The following ZC3HC1 variants were observed in gnomAD, a reference collection of about 807,000 sequenced individuals.
ZC3HC1 encodes the protein zinc finger C3HC-type protein 1.
A neutral mutation model predicts 61.9 loss-of-function variants in ZC3HC1; 38 were observed. The ratio of observed to expected loss-of-function variants is 0.61; its 90% CI spans 0.47 to 0.81. The LOEUF is 0.81. Among genes scored for constraint, ZC3HC1 ranks in the 30% least tolerant of loss-of-function variants. The probability of loss-of-function intolerance (pLI) is 0.00; values close to 1 mark genes in which losing one functional copy is unlikely to be tolerated. For synonymous variants in ZC3HC1, 213 were observed against 229.9 expected (o/e 0.93, Z 0.67); for missense variants, 554 against 622.7 (o/e 0.89, Z 1.17).
At chr7:130,034,267 C>T (rs1309584007) in intron 4 of ZC3HC1, among the ~76,000 whole-genome samples, 11 of 149,958 alleles carry the variant, frequency 7.3e-5, no homozygotes, top group Admixed American at 6.7e-5. Flanking sequence ...GGGCGTATCA[C>T]GAGGTCAGGA....
chr7:130,023,655 A>G lies in ZC3HC1; in HGVS notation c.1089T>C (p.Arg363=), dbSNP rs1793749978. The change falls in exon 8 of 10, where the codon CGT becomes CGC. Residue 363 remains arginine (R), a synonymous_variant. Transcript: ENST00000358303. This position sits in a 1 kb window ranked among gnomAD's most constrained non-coding sequence, Gnocchi z 4.2. ...TGGGGCTAGCAGCCTCTGGCTCAGG[A>G]CGGTCAACAGGACTGGAAGAGTCCC... ...RSWDSSSPVD[R]PEPEAASPTT... is the part of the protein sequence containing the mutation. 1 of 1,614,166 alleles carries G rather than the reference A, an allele frequency of 6.2e-7. No individual in the cohort carries two copies. The highest frequency in any genetic ancestry group is 8.5e-7 in the Non-Finnish European group (1 of 1,180,036).
intron 7 of ZC3HC1, 81 bp downstream of exon 7, chr7:130,024,182 A>C: frequency 6.6e-7 from 1 of 1,509,680 alleles, no homozygotes; most frequent in Non-Finnish European, 8.9e-7. Context: ...ATCCACCTAA[A>C]TTAATTTCCA....
chr7:130,025,091 A>G (rs1158429025), intron 6 of ZC3HC1, among the ~76,000 whole-genome samples: 2 of 149,164 alleles, frequency 1.3e-5, no homozygotes, highest in African/African-American at 2.5e-5. Context: ...CTTTTGGTAG[A>G]GATGGGGTTT....
intron 2 of ZC3HC1, among the ~76,000 whole-genome samples, chr7:130,046,768 T>G (rs9641864): frequency 6.6e-6 from 1 of 151,994 alleles, no homozygotes; most frequent in East Asian, 1.9e-4. Flanking sequence ...ATGTGCTTAC[T>G]TTTTCATTTG....
Position 130,051,339 on chromosome 7 carries a change from A to C in ZC3HC1, c.28T>G (p.Phe10Val), listed in dbSNP as rs1293777739. 2 of 1,612,860 alleles carry C rather than the reference A, an allele frequency of 1.2e-6. No individual in the cohort carries two copies. Among genetic ancestry groups the C allele is most frequent in the Non-Finnish European group, 1.7e-6 (2 of 1,179,456 alleles). ...CAATTCTTTTCAACCCCTACGGCAA[A>C]CGCTTGTCCCTCACAGGGCGCCGCC... MAAPCEGQA[F>V]AVGVEKNWGA... The change falls in exon 1 of 10, where the codon TTT becomes GTT. Residue 10 changes from phenylalanine (F) to valine (V), a missense_variant. Phe to Val is a conservative substitution (Grantham distance 50). Coordinates refer to ENST00000358303, the MANE Select transcript of ZC3HC1 (RefSeq NM_016478.5).
chr7:130,029,124 A>G (rs1584571272), intron 4 of ZC3HC1, 95 bp from the exon 5 acceptor site: 1 of 1,384,806 alleles, frequency 7.2e-7, no homozygotes, highest in East Asian at 3.0e-5. Context: ...TAATCCCAGC[A>G]CTTTGGAAGG....
rs999544763 is a variant in ZC3HC1 at position 130,039,299 on chromosome 7, G to A, written c.493+165C>T. Reference sequence around the variant, plus strand: ...GCGAAGGTTGCAGTGAGCCAAGATCGCGCCACTGTACTCCAGCCTGGGCAA... The same window carrying A: ...GCGAAGGTTGCAGTGAGCCAAGATCACGCCACTGTACTCCAGCCTGGGCAA... On this transcript the variant is annotated intron_variant, in intron 4 of 9. Transcript: ENST00000358303. The A allele has an allele frequency of 2.3e-5, 14 of 617,408 alleles. 1 individual carries two copies. The highest frequency in any genetic ancestry group is 6.4e-5 in the South Asian group (3 of 47,084). The allele number at this position is 617,408 out of a possible 1,614,324, so 38.2% of individuals were successfully genotyped here.
chr7:130,028,242 T>C (rs1372971639), intron 5 of ZC3HC1, among the ~76,000 whole-genome samples: 1 of 143,546 alleles, frequency 7.0e-6, no homozygotes, highest in Non-Finnish European at 1.5e-5. Context: ...CAGTATTTTC[T>C]GTTAAATAGT....
chr7:130,024,489 A>G lies in ZC3HC1; in HGVS notation c.794T>C (p.Met265Thr). Reference sequence around the variant, plus strand: ...CGAACATGTTATCAGGGAGAGCTGCATGGATTCCAAAGAGGAACTAGATAG... The same window carrying G: ...CGAACATGTTATCAGGGAGAGCTGCGTGGATTCCAAAGAGGAACTAGATAG... Reference protein sequence around the residue: ...GWACSSSLESMQLSLITCSQC... With the variant: ...GWACSSSLESTQLSLITCSQC... The change falls in exon 7 of 10, where the codon ATG becomes ACG. Residue 265 changes from methionine to threonine, a missense_variant. Coordinates refer to ENST00000358303, the MANE Select transcript of ZC3HC1 (RefSeq NM_016478.5). The G allele has an allele frequency of 1.2e-6, 2 of 1,609,192 alleles. No homozygotes were observed. The highest frequency in any genetic ancestry group is 1.7e-6 in the Non-Finnish European group (2 of 1,178,148).
rs202231226 is a variant in ZC3HC1 at position 130,034,042 on chromosome 7, CAT to C, written c.494-5015_494-5014del. Among the ~76,000 whole-genome samples, 1,205 of 152,250 alleles carry C rather than the reference CAT, an allele frequency of 7.9e-3. 11 individuals carry two copies. The highest frequency in any genetic ancestry group is 0.014 in the Non-Finnish European group (932 of 68,016). On this transcript the variant is annotated intron_variant, in intron 4 of 9. Coordinates refer to ENST00000358303, the MANE Select transcript of ZC3HC1 (RefSeq NM_016478.5). Reference sequence around the variant, plus strand: ...TGAGGTCTAATTGACATAAACTGCACATGTTTGATAAGTTTTAACGTGCACAT... The same window carrying C: ...TGAGGTCTAATTGACATAAACTGCACGTTTGATAAGTTTTAACGTGCACAT...
chr7:130,019,251 G>T (rs139123519), intron 9 of ZC3HC1, among the ~76,000 whole-genome samples: 420 of 152,050 alleles, frequency 2.8e-3, no homozygotes, highest in African/African-American at 9.4e-3. Context: ...GGGTCTCACC[G>T]TGTTAGCCAG....
intron 4 of ZC3HC1, among the ~76,000 whole-genome samples, chr7:130,032,472 C>T (rs1166972327): frequency 1.3e-5 from 2 of 149,458 alleles, no homozygotes; most frequent in East Asian, 4.0e-4. Flanking sequence ...ATAGTGAGAC[C>T]CCATCTCTAC....
intron 6 of ZC3HC1, among the ~76,000 whole-genome samples, chr7:130,024,970 A>C (rs1034509200): frequency 3.2e-5 from 4 of 126,740 alleles, no homozygotes; most frequent in African/African-American, 6.3e-5. Flanking sequence ...CAATGGTGCG[A>C]TCTCAGCTCA....
chr7:130,049,357 C>T (rs1794986666), intron 1 of ZC3HC1, among the ~76,000 whole-genome samples: 1 of 152,070 alleles, frequency 6.6e-6, no homozygotes, highest in Admixed American at 6.6e-5. Flanking sequence ...GTCTGGCATT[C>T]AAAACTCTTT....
intron 5 of ZC3HC1, among the ~76,000 whole-genome samples, chr7:130,028,346 G>A (rs910591228): frequency 4.0e-5 from 6 of 151,448 alleles, no homozygotes; most frequent in African/African-American, 9.7e-5. Flanking sequence ...GTTTGAGAAC[G>A]GCCTGACCAA....
chr7:130,018,692 C>G lies in ZC3HC1; in HGVS notation c.1481G>C (p.Arg494Pro). ...GCATGAGCACAGAGATTCCCACTGC[C>G]GAAATATTCGGAATACTTTCCTTGA... ...EKSRKVFRIF[R>P]QWESLCSC Residue 494 changes from arginine to proline, a missense_variant, in exon 10 of 10, where the codon CGG becomes CCG. By Grantham distance (103) the Arg-to-Pro change is moderately radical (BLOSUM62 -2). Transcript: ENST00000358303. The G allele has an allele frequency of 6.2e-7, 1 of 1,612,202 alleles. No homozygotes were observed. Among genetic ancestry groups the G allele is most frequent in the Non-Finnish European group, 8.5e-7 (1 of 1,178,636 alleles).
At position 130,023,651 on chromosome 7, in the gene ZC3HC1, C is replaced by G. The variant is rs1793749855; in HGVS notation, c.1093G>C (p.Glu365Gln). 4 of 1,614,006 alleles carry G rather than the reference C, an allele frequency of 2.5e-6. No homozygotes were observed. The highest frequency in any genetic ancestry group is 3.4e-6 in the Non-Finnish European group (4 of 1,180,042). ...GTGGTGGGGCTAGCAGCCTCTGGCTCAGGACGGTCAACAGGACTGGAAGAG... is the reference window on the plus strand; with the variant it reads ...GTGGTGGGGCTAGCAGCCTCTGGCTGAGGACGGTCAACAGGACTGGAAGAG... ...WDSSSPVDRP[E>Q]PEAASPTTRT... The change falls in exon 8 of 10, where the codon GAG (glutamate) becomes CAG (glutamine). Residue 365 changes from glutamate (E) to glutamine (Q), a missense_variant. Coordinates refer to ENST00000358303, the MANE Select transcript of ZC3HC1 (RefSeq NM_016478.5). The surrounding 1 kb of genome is among the most constrained non-coding windows in gnomAD (Gnocchi z 4.2).
chr7:130,048,325 T>C (rs964942392), intron 2 of ZC3HC1, among the ~76,000 whole-genome samples: 3 of 151,936 alleles, frequency 2.0e-5, no homozygotes, highest in African/African-American at 7.3e-5. Context: ...AATTTTGTTT[T>C]GTTTTGTTTT....
chr7:130,050,144 C>A (rs1206518013), intron 1 of ZC3HC1, among the ~76,000 whole-genome samples: 2 of 152,088 alleles, frequency 1.3e-5, no homozygotes, highest in Non-Finnish European at 2.9e-5. Context: ...GTGACGCGAT[C>A]TCGGCTCACT....
Sources: allele counts gnomAD v4.1 joint callset (sites outside exome capture counted in the v4.1 genomes callset), GRCh38; gene constraint gnomAD v4.1.1; non-coding constraint Gnocchi (gnomAD v3.1); transcripts MANE v1.5; gene names NCBI Gene and HGNC (gene_info 2026-07-23, HGNC 2026-07-21).